GRM8: variants seen among roughly 807,000 people sequenced by gnomAD.
GRM8 encodes the protein metabotropic glutamate receptor 8.
A neutral mutation model predicts 87.2 loss-of-function variants in GRM8; 47 were observed. The observed-to-expected ratio is 0.54, with a 90% CI of 0.43 to 0.69. The LOEUF is 0.69. GRM8 is among the 30% of genes least tolerant of loss of function. GRM8 has a pLI of 0.00. For synonymous variants in GRM8, 396 were observed against 404.5 expected (o/e 0.98, Z 0.25); for missense variants, 1,019 against 1,139.2 (o/e 0.89, Z 1.52).
At chr7:127,035,664 C>T (rs546608308) in intron 3 of GRM8, among the ~76,000 whole-genome samples, 1 of 152,318 alleles carries the variant, frequency 6.6e-6, no homozygotes, top group African/African-American at 2.4e-5. Context: ...TGTGAGAAAT[C>T]AGTCAATGGT....
chr7:127,092,483 G>A (rs767771513), intron 3 of GRM8, among the ~76,000 whole-genome samples: 1 of 152,158 alleles, frequency 6.6e-6, no homozygotes, highest in Non-Finnish European at 1.5e-5. Flanking sequence ...ATCTCTTGAG[G>A]CCAGGAGTTT....
chr7:127,203,117 T>C (rs949224455), intron 2 of GRM8, among the ~76,000 whole-genome samples: 1 of 152,224 alleles, frequency 6.6e-6, no homozygotes, highest in Non-Finnish European at 1.5e-5. Flanking sequence ...ATAGAGATCA[T>C]GTTATAAATG....
chr7:127,155,850 G>A (rs1278583848), intron 2 of GRM8, among the ~76,000 whole-genome samples: 1 of 152,078 alleles, frequency 6.6e-6, no homozygotes, highest in Non-Finnish European at 1.5e-5. Flanking sequence ...AATGTCTCTA[G>A]GGACCTGTGC....
chr7:127,163,778 TC>T (rs1372780537), intron 2 of GRM8, among the ~76,000 whole-genome samples: 2 of 152,256 alleles, frequency 1.3e-5, no homozygotes, highest in Admixed American at 6.5e-5. Context: ...TTTATAATTT[TC>T]CCTCTACTTT....
At chr7:126,846,879 CA>C (rs933572672) in intron 6 of GRM8, among the ~76,000 whole-genome samples, 1 of 152,094 alleles carries the variant, frequency 6.6e-6, no homozygotes, top group African/African-American at 2.4e-5. Context: ...GAACACACAT[CA>C]AAAACACAAT....
intron 6 of GRM8, among the ~76,000 whole-genome samples, chr7:126,823,799 T>TAG (rs1284290302): frequency 6.6e-6 from 1 of 152,190 alleles, no homozygotes; most frequent in Non-Finnish European, 1.5e-5. Flanking sequence ...AGTTGAGAGG[T>TAG]AGAGAGACTG....
At position 126,533,657 on chromosome 7, in the gene GRM8, G is replaced by T. The variant is rs1815215144; in HGVS notation, c.1725C>A (p.Ile575=). The change falls in exon 9 of 11, where the codon ATC becomes ATA. Residue 575 remains isoleucine, a synonymous_variant. Transcript: ENST00000339582. ...NRTGCQLIPI[I]KLEWHSPWAV... Reference sequence around the variant, plus strand: ...CCCAGGGAGAATGCCACTCCAATTTGATGATGGGGATAAGCTGGCAGCCTG... The same window carrying T: ...CCCAGGGAGAATGCCACTCCAATTTTATGATGGGGATAAGCTGGCAGCCTG... 1 of 1,613,940 alleles carries T rather than the reference G, an allele frequency of 6.2e-7. No homozygotes were observed. Among genetic ancestry groups the T allele is most frequent in the African/African-American group, 1.3e-5 (1 of 74,912 alleles).
intron 7 of GRM8, among the ~76,000 whole-genome samples, chr7:126,706,938 T>G (rs1164919848): frequency 6.6e-6 from 1 of 152,146 alleles, no homozygotes; most frequent in Non-Finnish European, 1.5e-5. Context: ...TAGTCCTTTT[T>G]ACCTCATGCC....
chr7:126,865,926 A>G (rs1204519), intron 6 of GRM8, among the ~76,000 whole-genome samples: 33,192 of 152,102 alleles, frequency 0.22, 4,209 homozygotes, highest in East Asian at 0.57. Context: ...TGTGGTTTCA[A>G]TTCTCTTAGG....
chr7:127,076,695 T>A (rs916612), intron 3 of GRM8, among the ~76,000 whole-genome samples: 44,975 of 152,062 alleles, frequency 0.3, 7,071 homozygotes, highest in Non-Finnish European at 0.36. Flanking sequence ...CCCAAGCTGT[T>A]ACAGGGCCAT....
intron 7 of GRM8, among the ~76,000 whole-genome samples, chr7:126,627,279 A>G (rs929847732): frequency 1.3e-5 from 2 of 152,240 alleles, no homozygotes; most frequent in African/African-American, 2.4e-5. Context: ...GATAATCCCA[A>G]CTGGGAAGGT....
chr7:127,242,600 C>A, intron 2 of GRM8, 95 bp downstream of exon 2: 1 of 1,231,442 alleles, frequency 8.1e-7, no homozygotes, highest in Non-Finnish European at 1.1e-6. Context: ...CTATGAGCAC[C>A]TTCACCATCT....
Position 127,249,988 on chromosome 7 carries a change from C to G in GRM8, c.-312+2809G>C, listed in dbSNP as rs185967084. ...CTGGGACAGAGCAACTCCACTCCCC[C>G]CAACTAAAGCAAGGTCATCTTTATG... On this transcript the variant is annotated intron_variant, in intron 1 of 10. Transcript: ENST00000339582. Among the ~76,000 whole-genome samples the G allele has an allele frequency of 5.0e-4, 76 of 152,258 alleles. No individual in the cohort carries two copies. In the East Asian group the frequency reaches 6.2e-3, roughly 12 times the overall value.
intron 3 of GRM8, among the ~76,000 whole-genome samples, chr7:127,089,811 A>T (rs1029679512): frequency 2.6e-5 from 4 of 152,190 alleles, no homozygotes; most frequent in African/African-American, 9.6e-5. Flanking sequence ...TTCACTAAGG[A>T]AGTATCATTG....
chr7:126,746,291 A>G (rs941492013), intron 7 of GRM8, among the ~76,000 whole-genome samples: 9 of 151,864 alleles, frequency 5.9e-5, no homozygotes, highest in African/African-American at 2.2e-4. Context: ...AATTATATTC[A>G]TAAACTACAT....
At chr7:126,481,576 A>G (rs1179013531) in intron 9 of GRM8, among the ~76,000 whole-genome samples, 1 of 152,030 alleles carries the variant, frequency 6.6e-6, no homozygotes, top group African/African-American at 2.4e-5. Flanking sequence ...CAATCTAATC[A>G]AGAGAAAAGT....
chr7:126,545,730 C>A (rs1314501238), intron 8 of GRM8, among the ~76,000 whole-genome samples: 2 of 151,974 alleles, frequency 1.3e-5, no homozygotes, highest in African/African-American at 4.8e-5. Flanking sequence ...TAAATTGATC[C>A]TTCATTGCTA....
At chr7:126,586,709 C>T (rs945790230) in intron 8 of GRM8, among the ~76,000 whole-genome samples, 3 of 152,146 alleles carry the variant, frequency 2.0e-5, no homozygotes, top group Non-Finnish European at 4.4e-5. Flanking sequence ...AAATGTTAGA[C>T]CTAAAACCAT....
chr7:126,477,131 A>T (rs181896831), intron 9 of GRM8, among the ~76,000 whole-genome samples: 1 of 152,296 alleles, frequency 6.6e-6, no homozygotes, highest in East Asian at 1.9e-4. Context: ...AAGTGAAGTA[A>T]GGCAGACATA....
Sources: gnomAD v4.1 joint callset for allele counts (sites outside exome capture counted in the v4.1 genomes callset) on GRCh38, gnomAD v4.1.1 for gene constraint, MANE v1.5 for transcripts, NCBI Gene and HGNC (gene_info 2026-07-23, HGNC 2026-07-21) for gene names.